GRB14: variants seen among roughly 807,000 people sequenced by gnomAD.
GRB14 encodes growth factor receptor-bound protein 14.
A neutral mutation model predicts 69.1 loss-of-function variants in GRB14; 38 were observed. That is an observed-to-expected ratio of 0.55 (90% CI 0.42 to 0.72). The LOEUF (loss-of-function observed/expected upper bound fraction) is 0.72. GRB14 is among the 30% of genes least tolerant of loss of function. The pLI, the probability that GRB14 is intolerant of heterozygous loss-of-function variation, is 0.00. For missense variants in GRB14, 666 were observed against 666.1 expected (o/e 1.00, Z 0.00); for synonymous variants, 247 against 241.3 (o/e 1.02, Z -0.22).
chr2:164,611,988 C>T (rs1023639084), intron 2 of GRB14, among the ~76,000 whole-genome samples: 2 of 152,060 alleles, frequency 1.3e-5, no homozygotes, highest in African/African-American at 4.8e-5. Flanking sequence ...TCTAGGAATA[C>T]AATAAAATTG....
chr2:164,580,321 G>A (rs1313554896), intron 2 of GRB14, among the ~76,000 whole-genome samples: 1 of 151,850 alleles, frequency 6.6e-6, no homozygotes, highest in Non-Finnish European at 1.5e-5. Flanking sequence ...TCGAACTCCT[G>A]ACCTCAGGTG....
intron 3 of GRB14, among the ~76,000 whole-genome samples, chr2:164,533,891 A>T (rs1425962307): frequency 6.6e-6 from 1 of 152,232 alleles, no homozygotes; most frequent in Non-Finnish European, 1.5e-5. Flanking sequence ...AAAAACCAGA[A>T]TACCAATCTT....
chr2:164,616,425 C>CAAAAAAAAAAAAAAAAAA (rs34263597), intron 2 of GRB14, among the ~76,000 whole-genome samples: 1 of 66,628 alleles, frequency 1.5e-5, no homozygotes, highest in Admixed American at 2.0e-4. Context: ...GACTCCGTCT[C>CAAAAAAAAAAAAAAAAAA]AAAAAAAAAA....
chr2:164,530,046 A>T (rs1411889934), intron 3 of GRB14, among the ~76,000 whole-genome samples: 3 of 152,204 alleles, frequency 2.0e-5, no homozygotes, highest in African/African-American at 7.2e-5. Context: ...TAAAATGTGA[A>T]TCATAAAAAG....
At chr2:164,597,290 A>T (rs1409667883) in intron 2 of GRB14, among the ~76,000 whole-genome samples, 1 of 152,234 alleles carries the variant, frequency 6.6e-6, no homozygotes, top group Non-Finnish European at 1.5e-5. Flanking sequence ...AATAATTTTC[A>T]GTGCATTTCA....
intron 2 of GRB14, among the ~76,000 whole-genome samples, chr2:164,601,470 C>T (rs948670215): frequency 1.3e-5 from 2 of 151,934 alleles, no homozygotes; most frequent in African/African-American, 4.8e-5. Flanking sequence ...GTATTTTGAA[C>T]GTAGTTTCTA....
chr2:164,619,804 A>G lies in GRB14; in HGVS notation c.207T>C (p.Asp69=). ...TAGATGGCATTTCCGGAACATCAAG[A>G]TCTTTCTTTTTTCTCCTACAGTAAG... ...GCAADRRKKK[D]LDVPEMPSIP... is the part of the protein sequence containing the mutation. Residue 69 remains aspartate (D), a synonymous_variant, in exon 2 of 14, where the codon GAT becomes GAC. Transcript: ENST00000263915. 6.2e-7 allele frequency: 1 copy of G among 1,609,352 alleles called. No individual in the cohort carries two copies. Among genetic ancestry groups the G allele is most frequent in the East Asian group, 2.2e-5 (1 of 44,832 alleles).
intron 3 of GRB14, among the ~76,000 whole-genome samples, chr2:164,546,127 T>C (rs1688367001): frequency 1.3e-5 from 2 of 152,156 alleles, no homozygotes; most frequent in African/African-American, 4.8e-5. Flanking sequence ...GCTAATAAAA[T>C]TATTATGAAA....
chr2:164,575,250 A>G (rs1057037351), intron 2 of GRB14, among the ~76,000 whole-genome samples: 12 of 152,234 alleles, frequency 7.9e-5, no homozygotes, highest in Non-Finnish European at 1.8e-4. Context: ...GCAACGGACA[A>G]TGTTCAAAAT....
intron 2 of GRB14, among the ~76,000 whole-genome samples, chr2:164,594,478 G>A (rs1044481594): frequency 3.4e-4 from 52 of 152,314 alleles, no homozygotes; most frequent in Middle Eastern, 6.8e-3. Flanking sequence ...TCAAAGCCAT[G>A]CGTAGAGTTA....
intron 6 of GRB14, among the ~76,000 whole-genome samples, chr2:164,519,523 A>G (rs1687580445): frequency 6.6e-6 from 1 of 152,128 alleles, no homozygotes; most frequent in Admixed American, 6.6e-5. Flanking sequence ...ATCAGACAAG[A>G]AAAAGAAATA....
At chr2:164,545,219 T>C (rs1559043929) in intron 3 of GRB14, among the ~76,000 whole-genome samples, 8 of 152,220 alleles carry the variant, frequency 5.3e-5, no homozygotes. Context: ...TTACTAAAAG[T>C]TGTTAAACAT....
At chr2:164,523,948 A>G (rs904575660) in intron 5 of GRB14, among the ~76,000 whole-genome samples, 1 of 152,088 alleles carries the variant, frequency 6.6e-6, no homozygotes, top group African/African-American at 2.4e-5. Context: ...GAGATCTGAA[A>G]GTCCTGGGGC....
At position 164,600,238 on chromosome 2, in the gene GRB14, C is replaced by A. The variant is rs188436021; in HGVS notation, c.324+19449G>T. On this transcript the variant is annotated intron_variant, in intron 2 of 13. Transcript: ENST00000263915. Reference sequence around the variant, plus strand: ...GGAGTCATAGAGAAAGGGCAATTCCCGTTGCCATAGAGGTTGTTTGTTAAA... The same window carrying A: ...GGAGTCATAGAGAAAGGGCAATTCCAGTTGCCATAGAGGTTGTTTGTTAAA... Among the ~76,000 whole-genome samples, 307 of 152,198 alleles carry A rather than the reference C, an allele frequency of 2.0e-3. 1 individual carries two copies. The highest frequency in any genetic ancestry group is 7.2e-3 in the African/African-American group (298 of 41,536).
intron 2 of GRB14, among the ~76,000 whole-genome samples, chr2:164,578,231 T>C (rs1301115195): frequency 1.4e-5 from 2 of 145,836 alleles, no homozygotes; most frequent in Non-Finnish European, 3.0e-5. Flanking sequence ...AGACTCTGTC[T>C]AAAAAAAAAA....
rs529407890 is a variant in GRB14 at position 164,588,267 on chromosome 2, G to A, written c.324+31420C>T. ...CTAACAATATTGCCCAGCCAAGGGT[G>A]GGAAAGAAATGCAGAAATGTTGCCA... On this transcript the variant is annotated intron_variant, in intron 2 of 13. Coordinates refer to ENST00000263915, the MANE Select transcript of GRB14 (RefSeq NM_004490.3). Among the ~76,000 whole-genome samples, 7 of 152,282 alleles carry A rather than the reference G, an allele frequency of 4.6e-5. No individual in the cohort carries two copies. The South Asian group carries it at 1.2e-3, about 27-fold the overall frequency.
At chr2:164,606,461 T>C (rs2105356266) in intron 2 of GRB14, among the ~76,000 whole-genome samples, 1 of 152,352 alleles carries the variant, frequency 6.6e-6, no homozygotes, top group East Asian at 1.9e-4. Context: ...TTTGTCTTTC[T>C]TGACTAAAGA....
intron 2 of GRB14, chr2:164,568,257 CA>C (rs1689032415): frequency 9.3e-7 from 1 of 1,076,752 alleles, no homozygotes; most frequent in Non-Finnish European, 1.3e-6. Context: ...CACACAGTAA[CA>C]GGGGAAAAAA....
intron 4 of GRB14, among the ~76,000 whole-genome samples, chr2:164,525,508 T>C (rs1296197765): frequency 1.3e-5 from 2 of 152,092 alleles, no homozygotes; most frequent in Non-Finnish European, 2.9e-5. Context: ...AGGTCAGGAC[T>C]TAAACTGGGC....
Sources: gnomAD v4.1 joint callset for allele counts (sites outside exome capture counted in the v4.1 genomes callset) on GRCh38, gnomAD v4.1.1 for gene constraint, MANE v1.5 for transcripts, NCBI Gene and HGNC (gene_info 2026-07-23, HGNC 2026-07-21) for gene names.